Variants in IZUMO2 observed in about 807,000 individuals in gnomAD.
The protein encoded by IZUMO2 is izumo sperm-egg fusion protein 2.
A neutral mutation model predicts 31.2 loss-of-function variants in IZUMO2; 24 were observed. The ratio of observed to expected loss-of-function variants is 0.77; its 90% confidence interval spans 0.56 to 1.08. IZUMO2 has a LOEUF of 1.08. Among genes scored for constraint, IZUMO2 ranks in the 50% least tolerant of loss-of-function variants. The pLI, the probability that IZUMO2 is intolerant of heterozygous loss-of-function variation, is 0.00. For missense variants in IZUMO2, 278 were observed against 274.0 expected (o/e 1.01, Z -0.10); for synonymous variants, 144 against 117.3 (o/e 1.23, Z -1.47).
At position 50,152,552 on chromosome 19, in the gene IZUMO2, T is replaced by G. The variant is rs770378935; in HGVS notation, c.*57A>C. The G allele has an allele frequency of 6.9e-7, 1 of 1,453,176 alleles. No individual in the cohort carries two copies. The highest frequency in any genetic ancestry group is 1.7e-5 in the Admixed American group (1 of 59,742). 90.0% of individuals were successfully genotyped at this position (1,453,176 alleles called of 1,614,324 possible). A position where few individuals can be genotyped will look rare whatever the true frequency, so the allele number is the denominator to read the frequency against. ...GGAAATGGACAGAGACATTGATGGA[T>G]TTGTCACCAATTTTATTAAATTTAT... On this transcript the variant is annotated 3_prime_UTR_variant, in exon 7 of 7. Transcript: ENST00000293405.
intron 2 of IZUMO2, 35 bp from the exon 3 acceptor site, chr19:50,159,615 G>A: frequency 4.2e-6 from 6 of 1,415,286 alleles, no homozygotes; most frequent in South Asian, 1.2e-5. Flanking sequence ...GGGGTGGGAG[G>A]CACCCAGAAA....
At chr19:50,154,339 C>T (rs1233973805) in intron 6 of IZUMO2, among the ~76,000 whole-genome samples, 1 of 123,164 alleles carries the variant, frequency 8.1e-6, no homozygotes, top group Non-Finnish European at 1.6e-5. Flanking sequence ...GCTGAGGACC[C>T]GGGAAAGTTG....
intron 5 of IZUMO2, among the ~76,000 whole-genome samples, chr19:50,155,539 C>A (rs560402958): frequency 2.6e-5 from 4 of 152,210 alleles, no homozygotes; most frequent in African/African-American, 9.7e-5. Flanking sequence ...TTGCTTTCTG[C>A]GTCTTCCACT....
intron 4 of IZUMO2, among the ~76,000 whole-genome samples, chr19:50,158,884 A>T (rs1291509307): frequency 6.6e-6 from 1 of 152,188 alleles, no homozygotes; most frequent in Admixed American, 6.5e-5. Context: ...CCATGTGTGT[A>T]TAGCCTGGAT....
intron 5 of IZUMO2, among the ~76,000 whole-genome samples, chr19:50,155,055 T>C (rs2030168947): frequency 6.6e-6 from 1 of 152,082 alleles, no homozygotes; most frequent in African/African-American, 2.4e-5. Flanking sequence ...GCATTTCATT[T>C]GATGGGATGG....
chr19:50,161,410 C>T (rs1273105345), intron 2 of IZUMO2, among the ~76,000 whole-genome samples: 1 of 152,272 alleles, frequency 6.6e-6, no homozygotes, highest in East Asian at 1.9e-4. Flanking sequence ...GCGTGAGCCA[C>T]TGTGCCCGGC....
chr19:50,158,309 T>C lies in IZUMO2; in HGVS notation c.455A>G (p.Gln152Arg). ...KEEVLDCLHC[Q>R]RITPKCIHKK... ...GTGGATACACTTGGGAGTGATCCTC[T>C]GGCAATGTAAACAGTCCAACACCTC... The change falls in exon 5 of 7, where the codon CAG (glutamine) becomes CGG (arginine). Residue 152 changes from glutamine to arginine, a missense_variant. Physicochemically the swap from Gln to Arg is conservative, Grantham distance 43. Transcript: ENST00000293405. The C allele has an allele frequency of 2.5e-6, 4 of 1,612,624 alleles. No homozygotes were observed. Among genetic ancestry groups the C allele is most frequent in the Non-Finnish European group, 3.4e-6 (4 of 1,179,226 alleles).
Position 50,163,165 on chromosome 19 carries a change from G to A in IZUMO2, c.30C>T (p.Leu10=), listed in dbSNP as rs771642413. 4 of 1,560,748 alleles carry A rather than the reference G, an allele frequency of 2.6e-6. No individual in the cohort carries two copies. The highest frequency in any genetic ancestry group is 3.5e-6 in the Non-Finnish European group (4 of 1,153,638). MPLALTLLL[L]SGLGAPGGWG... ...AGCCTCCGGGGGCGCCCAAGCCCGA[G>A]AGCAGCAGAAGGGTCAAAGCCAGAG... The change falls in exon 1 of 7, where the codon CTC becomes CTT. Residue 10 remains leucine, a synonymous_variant. Coordinates refer to ENST00000293405, the MANE Select transcript of IZUMO2 (RefSeq NM_152358.3).
At chr19:50,155,080 G>A (rs1266857241) in intron 5 of IZUMO2, among the ~76,000 whole-genome samples, 1 of 152,114 alleles carries the variant, frequency 6.6e-6, no homozygotes, top group Non-Finnish European at 1.5e-5. Context: ...GGGTGAGGAG[G>A]ACTTGGGAAG....
rs556438564 is a variant in IZUMO2, at chr19:50,154,900, C to G, written c.497-174G>C. ...CCTGGGGTCTGAGTCTCCATTTATC[C>G]ATTCCTCTAGTGCTCTGTCTCAGGC... is the stretch of plus-strand genomic sequence containing the variant. On this transcript the variant is annotated intron_variant, in intron 5 of 6. Coordinates refer to ENST00000293405, the MANE Select transcript of IZUMO2 (RefSeq NM_152358.3). Among the ~76,000 whole-genome samples the G allele has an allele frequency of 6.8e-4, 104 of 152,240 alleles. 1 individual carries two copies. In the South Asian group the frequency reaches 0.015, roughly 22 times the overall value.
At chr19:50,152,757 T>C in intron 6 of IZUMO2, 106 bp from the exon 7 acceptor site, 1 of 1,001,502 alleles carries the variant, frequency 1.0e-6, no homozygotes, top group Non-Finnish European at 1.6e-6. Context: ...ATCTTTGGCC[T>C]GATTTGGCTC....
intron 5 of IZUMO2, among the ~76,000 whole-genome samples, chr19:50,156,624 G>A (rs1266486718): frequency 6.6e-6 from 1 of 151,472 alleles, no homozygotes; most frequent in Non-Finnish European, 1.5e-5. Context: ...CCCAAAAACT[G>A]ATAAGAGAAA....
Position 50,154,264 on chromosome 19 carries a change from G to GTTTTTTTGT in IZUMO2, c.623+335_623+336insACAAAAAAA, listed in dbSNP as rs2030129784. 2.4e-4 allele frequency among the ~76,000 whole-genome samples: 19 copies of GTTTTTTTGT among 79,286 alleles called. 7 individuals are homozygous for GTTTTTTTGT. The highest frequency in any genetic ancestry group is 2.8e-4 in the African/African-American group (6 of 21,614). 52.0% of individuals were successfully genotyped at this position (79,286 alleles called of 152,430 possible). A position where few individuals can be genotyped will look rare whatever the true frequency, so the allele number is the denominator to read the frequency against. On this transcript the variant is annotated intron_variant, in intron 6 of 6. Transcript: ENST00000293405. ...GCATCCACCAAATATAACTTTTAGC[G>GTTTTTTTGT]TTTTTTTTTTTTTTTTTTTTTTTTT...
At chr19:50,161,915 C>G (rs995742455) in intron 2 of IZUMO2, among the ~76,000 whole-genome samples, 16 of 152,328 alleles carry the variant, frequency 1.1e-4, no homozygotes, top group African/African-American at 2.2e-4. Flanking sequence ...CCCGCTCCCC[C>G]CCAAAAAAAT....
Position 50,163,030 on chromosome 19 carries a change from G to C in IZUMO2, c.165C>G (p.Ala55=), listed in dbSNP as rs367559452. Residue 55 remains alanine (A), a synonymous_variant, in exon 1 of 7, where the codon GCC becomes GCG. Coordinates refer to ENST00000293405, the MANE Select transcript of IZUMO2 (RefSeq NM_152358.3). ...QLEQLQARAG[A]VLMGMEGPFF... is the part of the protein sequence containing the mutation. ...AAGGCCCCTCCATGCCCATCAGCAC[G>C]GCCCCGGCGCGCGCCTGCAGCTGCT... 4.9e-5 allele frequency: 79 copies of C among 1,612,488 alleles called. No homozygotes were observed. The highest frequency in any genetic ancestry group is 1.7e-5 in the Non-Finnish European group (20 of 1,179,078).
intron 4 of IZUMO2, 130 bp downstream of exon 4, chr19:50,159,100 A>G (rs1425771747): frequency 4.7e-6 from 4 of 842,168 alleles, no homozygotes; most frequent in Admixed American, 2.1e-5. Context: ...AAATCTCCCT[A>G]GGTACCATGG....
chr19:50,159,849 CT>C (rs200859732), intron 2 of IZUMO2: 962 of 277,082 alleles, frequency 3.5e-3, no homozygotes, highest in South Asian at 7.2e-3. Context: ...TTCTCCTCTT[CT>C]TTTTTTTTTC....
intron 6 of IZUMO2, among the ~76,000 whole-genome samples, chr19:50,153,361 C>A (rs2030089932): frequency 6.6e-6 from 1 of 152,066 alleles, no homozygotes. Flanking sequence ...TTTAAGTCAC[C>A]CAATTTGTGG....
chr19:50,161,384 A>G (rs1251431849), intron 2 of IZUMO2, among the ~76,000 whole-genome samples: 1 of 152,008 alleles, frequency 6.6e-6, no homozygotes, highest in Non-Finnish European at 1.5e-5. Context: ...AGCCTCCCAA[A>G]GTGCTGGGAT....
Sources: gnomAD v4.1 joint callset for allele counts (sites outside exome capture counted in the v4.1 genomes callset) on GRCh38, gnomAD v4.1.1 for gene constraint, MANE v1.5 for transcripts, NCBI Gene and HGNC (gene_info 2026-07-23, HGNC 2026-07-21) for gene names.